Variants in FGF13 observed in about 807,000 individuals in gnomAD.
FGF13 encodes the protein fibroblast growth factor 13.
In FGF13, 2 loss-of-function variants were observed where a neutral mutation model predicts 19.5. That is an observed-to-expected ratio of 0.10 (90% confidence interval 0.04 to 0.32). FGF13 has a LOEUF of 0.32. FGF13 is among the 10% of genes least tolerant of loss of function. The pLI is 1.00. For missense variants in FGF13, 113 were observed against 192.7 expected, an observed-to-expected ratio of 0.59 and a Z score of 2.45; for synonymous variants, 72 against 76.9, an observed-to-expected ratio of 0.94 and a Z score of 0.33.
intron 1 of FGF13, among the ~76,000 whole-genome samples, chrX:138,929,487 AACTT>A (rs1325989065): frequency 9.0e-6 from 1 of 110,921 alleles, no homozygotes; most frequent in African/African-American, 3.3e-5. Flanking sequence ...ATGGGTTCTC[AACTT>A]ACTTACAGAA....
intron 1 of FGF13, among the ~76,000 whole-genome samples, chrX:138,878,656 G>A (rs1024407345): frequency 9.3e-6 from 1 of 107,841 alleles, no homozygotes; most frequent in Non-Finnish European, 1.9e-5. Context: ...TAATCCTTTG[G>A]GTATATACCC....
chrX:139,177,401 G>A (rs111585227), intron 1 of FGF13, among the ~76,000 whole-genome samples: 4,306 of 109,773 alleles, frequency 0.039, 190 homozygotes, highest in African/African-American at 0.12. Context: ...TCTTTTAATT[G>A]GGGCATTTAG....
At chrX:138,978,964 A>G (rs2091952492) in intron 1 of FGF13, among the ~76,000 whole-genome samples, 2 of 112,572 alleles carry the variant, frequency 1.8e-5, no homozygotes, top group African/African-American at 6.5e-5. Context: ...TTTAGGCCCC[A>G]TGATGAAAAG....
intron 1 of FGF13, among the ~76,000 whole-genome samples, chrX:138,900,490 C>G (rs1245388177): frequency 1.8e-5 from 2 of 110,922 alleles, no homozygotes; most frequent in African/African-American, 6.6e-5. Flanking sequence ...AGCTCTATGT[C>G]AAAAACAGGT....
intron 1 of FGF13, among the ~76,000 whole-genome samples, chrX:138,986,002 G>A (rs1209456809): frequency 9.0e-6 from 1 of 111,704 alleles, no homozygotes; most frequent in Non-Finnish European, 1.9e-5. Context: ...ATAATCGACT[G>A]TTGAATCTGA....
chrX:139,124,970 T>A (rs1043854752), intron 1 of FGF13, among the ~76,000 whole-genome samples: 1 of 111,751 alleles, frequency 8.9e-6, no homozygotes, highest in Non-Finnish European at 1.9e-5. Context: ...CCCAGCTGCA[T>A]AGACAGCAAA....
At chrX:139,022,082 A>G (rs1377946907) in intron 1 of FGF13, among the ~76,000 whole-genome samples, 6 of 111,562 alleles carry the variant, frequency 5.4e-5, no homozygotes, top group African/African-American at 2.0e-4. Flanking sequence ...AGTAAGTGAG[A>G]TGGAAAGGAT....
chrX:138,638,879 T>C (rs999847300), intron 3 of FGF13, among the ~76,000 whole-genome samples: 8 of 111,484 alleles, frequency 7.2e-5, no homozygotes, highest in African/African-American at 2.6e-4. Context: ...GTTACAACTA[T>C]TGAAAAATGG....
intron 1 of FGF13, among the ~76,000 whole-genome samples, chrX:139,146,604 C>T (rs2083891497): frequency 1.8e-5 from 2 of 112,027 alleles, no homozygotes; most frequent in Admixed American, 1.9e-4. Flanking sequence ...CTTGACCCTG[C>T]AATCCCATTA....
rs1056633734 is a variant in FGF13, at chrX:138,921,415, C to A, written c.-112-56765G>T. On this transcript the variant is annotated intron_variant, in intron 1 of 2. Coordinates refer to the FGF13 transcript ENST00000421460. ...CAGGTTATTTGCATATTTATTATTT[C>A]TTTTAATAGTATTAATTCTTACTCC... is the stretch of plus-strand genomic sequence containing the variant. Among the ~76,000 whole-genome samples the A allele has an allele frequency of 1.3e-4, 15 of 111,803 alleles. No individual in the cohort carries two copies. The East Asian group carries it at 3.9e-3, about 29-fold the overall frequency.
At chrX:138,875,743 C>T (rs2091385311) in intron 1 of FGF13, among the ~76,000 whole-genome samples, 1 of 111,418 alleles carries the variant, frequency 9.0e-6, no homozygotes, top group South Asian at 3.8e-4. Flanking sequence ...GACCTTTGAA[C>T]TGAGTCATCA....
chrX:139,078,691 T>C lies in FGF13; in HGVS notation c.-113+124725A>G, dbSNP rs190687441. On this transcript the variant is annotated intron_variant, in intron 1 of 2. Transcript: ENST00000421460. ...GATTAGTGAACAAAGTTCAGAGGAC[T>C]TTTTCAGTTCAAACGTTCTCTCATA... 3.0e-3 allele frequency among the ~76,000 whole-genome samples: 335 copies of C among 112,738 alleles called. 2 individuals carry two copies. Among genetic ancestry groups the C allele is most frequent in the African/African-American group, 0.01 (317 of 31,064 alleles).
At chrX:138,676,099 GA>G (rs2089663594) in intron 3 of FGF13, among the ~76,000 whole-genome samples, 1 of 111,896 alleles carries the variant, frequency 8.9e-6, no homozygotes, top group African/African-American at 3.2e-5. Flanking sequence ...CTTTAAACAA[GA>G]AATAGTTGTT....
At chrX:139,155,584 G>A (rs1444750714) in intron 1 of FGF13, among the ~76,000 whole-genome samples, 1 of 112,207 alleles carries the variant, frequency 8.9e-6, no homozygotes, top group Non-Finnish European at 1.9e-5. Context: ...GCAGCTAACC[G>A]TGGACTACTT....
chrX:139,155,896 T>C (rs1043703754), intron 1 of FGF13, among the ~76,000 whole-genome samples: 3 of 112,077 alleles, frequency 2.7e-5, no homozygotes, highest in Admixed American at 1.9e-4. Flanking sequence ...GTGCTTGGGA[T>C]CATGGTTTAG....
At chrX:138,975,633 T>A (rs1399675263) in intron 1 of FGF13, among the ~76,000 whole-genome samples, 1 of 111,786 alleles carries the variant, frequency 8.9e-6, no homozygotes, top group African/African-American at 3.3e-5. Flanking sequence ...GAATGGGTAG[T>A]TCTTTTGTCA....
chrX:139,134,889 C>T (rs1357033496), intron 1 of FGF13, among the ~76,000 whole-genome samples: 2 of 110,629 alleles, frequency 1.8e-5, no homozygotes, highest in South Asian at 7.7e-4. Context: ...CTCAGGTGAT[C>T]CTCCCACCTC....
At chrX:138,835,927 A>G (rs2124098513) in intron 3 of FGF13, among the ~76,000 whole-genome samples, 1 of 110,703 alleles carries the variant, frequency 9.0e-6, no homozygotes, top group South Asian at 3.9e-4. Flanking sequence ...GTTCGGCCAG[A>G]TATGAAATTC....
chrX:139,202,296 G>C (rs1404558248), intron 1 of FGF13, among the ~76,000 whole-genome samples: 3 of 111,951 alleles, frequency 2.7e-5, no homozygotes, highest in Non-Finnish European at 5.6e-5. Context: ...GGGGAATGAC[G>C]TGCCTAGATC....
Sources: allele counts gnomAD v4.1 joint callset (sites outside exome capture counted in the v4.1 genomes callset), GRCh38; gene constraint gnomAD v4.1.1; transcripts MANE v1.5; gene names NCBI Gene and HGNC (gene_info 2026-07-23, HGNC 2026-07-21).